Variants in RASA3 observed in about 807,000 individuals in gnomAD.
The protein encoded by RASA3 is RAS p21 protein activator 3.
Under a neutral mutation model 110.0 loss-of-function variants are expected in RASA3, and 73 were observed. The observed-to-expected ratio is 0.66, with a 90% CI of 0.55 to 0.81. RASA3 has a LOEUF of 0.81. Among genes scored for constraint, RASA3 ranks in the 30% least tolerant of loss-of-function variants. The probability of loss-of-function intolerance (pLI) is 0.00; values close to 1 mark genes in which losing one functional copy is unlikely to be tolerated. For missense variants in RASA3, 976 were observed against 1,113.2 expected (o/e 0.88, Z 1.75); for synonymous variants, 500 against 451.4 (o/e 1.11, Z -1.37).
chr13:113,997,065 CA>C (rs2053273112), intron 20 of RASA3, among the ~76,000 whole-genome samples: 1 of 152,210 alleles, frequency 6.6e-6, no homozygotes, highest in Non-Finnish European at 1.5e-5. Context: ...CCATTCAAGA[CA>C]AAAGAGGGGC....
At chr13:114,064,858 CTCTT>C (rs1410978541) in intron 2 of RASA3, among the ~76,000 whole-genome samples, 1 of 152,252 alleles carries the variant, frequency 6.6e-6, no homozygotes, top group Non-Finnish European at 1.5e-5. Context: ...CTCTGGAACT[CTCTT>C]TCCAAATAAA....
At chr13:114,131,973 T>C (rs1276743631) in intron 1 of RASA3, among the ~76,000 whole-genome samples, 1 of 151,736 alleles carries the variant, frequency 6.6e-6, no homozygotes, top group Non-Finnish European at 1.5e-5. Flanking sequence ...AGCCTCCACA[T>C]TCCCCGGAAA....
In RASA3 at chr13:113,996,749, C is replaced by T; in HGVS notation, c.1933-10G>A. On this transcript the variant is annotated splice_polypyrimidine_tract_variant and intron_variant, in intron 20 of 23. Transcript: ENST00000334062. ...GGATGACCTGGAACATCTGAGGACA[C>T]AGGTGGGCTCAGGACAGCGCACATG... The T allele has an allele frequency of 6.2e-7, 1 of 1,612,208 alleles. No homozygotes were observed. Among genetic ancestry groups the T allele is most frequent in the Non-Finnish European group, 8.5e-7 (1 of 1,179,006 alleles).
chr13:114,019,628 CT>C (rs1349055026), intron 9 of RASA3, among the ~76,000 whole-genome samples: 2 of 151,436 alleles, frequency 1.3e-5, no homozygotes, highest in African/African-American at 4.9e-5. Context: ...ATTAGCACCC[CT>C]GTCAGGTAGG....
chr13:114,034,361 AAG>A (rs2054240197), intron 4 of RASA3, among the ~76,000 whole-genome samples: 1 of 152,222 alleles, frequency 6.6e-6, no homozygotes, highest in African/African-American at 2.4e-5. Flanking sequence ...GAGCTTCAGG[AAG>A]AGTCACGACT....
chr13:113,981,670 C>G lies in RASA3; in HGVS notation c.2429+5G>C. 6.2e-7 allele frequency: 1 copy of G among 1,613,530 alleles called. No individual in the cohort carries two copies. Among genetic ancestry groups the G allele is most frequent in the Non-Finnish European group, 8.5e-7 (1 of 1,179,778 alleles). The stretch of plus-strand genomic sequence containing the variant: ...GTCCAGGGCAGGCACGGGAGTGGCA[C>G]TCACTGGCTTCCATATTTCGTCTTC... On this transcript the variant is annotated splice_donor_5th_base_variant and intron_variant, in intron 23 of 23. Transcript: ENST00000334062.
intron 13 of RASA3, among the ~76,000 whole-genome samples, chr13:114,015,863 G>T (rs188138744): frequency 6.6e-6 from 1 of 152,110 alleles, no homozygotes; most frequent in Admixed American, 6.5e-5. Context: ...AGCTGGTCAG[G>T]ATTGTCCAGG....
At chr13:114,074,464 T>C in intron 1 of RASA3, among the ~76,000 whole-genome samples, 1 of 152,248 alleles carries the variant, frequency 6.6e-6, no homozygotes, top group South Asian at 2.1e-4. Context: ...CCTTCTATTT[T>C]AAGGTTGAAT....
chr13:114,051,119 G>A (rs2079138951), intron 3 of RASA3, among the ~76,000 whole-genome samples: 2 of 152,182 alleles, frequency 1.3e-5, no homozygotes, highest in Non-Finnish European at 2.9e-5. Context: ...TGCACCCCCG[G>A]GCCCTCAGGC....
At chr13:114,034,261 G>A (rs1276465692) in intron 4 of RASA3, among the ~76,000 whole-genome samples, 4 of 152,228 alleles carry the variant, frequency 2.6e-5, no homozygotes, top group South Asian at 4.1e-4. Flanking sequence ...CTTCATCCCC[G>A]TTCTCAAATG....
chr13:114,024,968 C>T (rs1374020136), intron 7 of RASA3, among the ~76,000 whole-genome samples: 1 of 152,246 alleles, frequency 6.6e-6, no homozygotes, highest in Non-Finnish European at 1.5e-5. Flanking sequence ...GACCGCCCCC[C>T]GCCAGCCAGC....
At chr13:114,002,237 G>A (rs1315996577) in intron 18 of RASA3, among the ~76,000 whole-genome samples, 1 of 152,254 alleles carries the variant, frequency 6.6e-6, no homozygotes, top group African/African-American at 2.4e-5. Context: ...ATCGGAAAGA[G>A]GGGCTTTGAG....
intron 9 of RASA3, among the ~76,000 whole-genome samples, chr13:114,021,163 T>C (rs971792008): frequency 6.6e-6 from 1 of 152,188 alleles, no homozygotes. Context: ...GTGCCAGCCA[T>C]TGTGAGTCCC....
intron 1 of RASA3, among the ~76,000 whole-genome samples, chr13:114,092,433 C>T (rs371505146): frequency 1.8e-4 from 27 of 152,236 alleles, no homozygotes; most frequent in African/African-American, 5.1e-4. Flanking sequence ...ACTGGTCATT[C>T]GGGAGCATGT....
intron 12 of RASA3, 99 bp from the exon 13 acceptor site, chr13:114,016,370 A>AG (rs1376386028): frequency 1.1e-5 from 10 of 914,680 alleles, no homozygotes; most frequent in Non-Finnish European, 1.8e-5. Context: ...GTAGACCCTG[A>AG]GCCTCATCCA....
At chr13:114,125,092 G>A (rs1055635318) in intron 1 of RASA3, among the ~76,000 whole-genome samples, 3 of 152,100 alleles carry the variant, frequency 2.0e-5, no homozygotes, top group East Asian at 1.9e-4. Flanking sequence ...GGTGTTGGGC[G>A]CTCTCATTTT....
Position 114,011,661 on chromosome 13 carries a change from G to T in RASA3, c.1513-413C>A, listed in dbSNP as rs562409528. On this transcript the variant is annotated intron_variant, in intron 15 of 23. Coordinates refer to ENST00000334062, the MANE Select transcript of RASA3 (RefSeq NM_007368.4). This position sits in a 1 kb window ranked among gnomAD's most constrained non-coding sequence, Gnocchi z 4.8. ...CTGGGGGCCGGGCTTGGTGGCTCAC[G>T]CCTGTAATCCCAGCACTTCGGGAGG... is the stretch of plus-strand genomic sequence containing the variant. Among the ~76,000 whole-genome samples, 4 of 152,018 alleles carry T rather than the reference G, an allele frequency of 2.6e-5. No individual in the cohort carries two copies. The highest frequency in any genetic ancestry group is 4.8e-5 in the African/African-American group (2 of 41,362).
At chr13:114,088,977 T>C (rs1322594814) in intron 1 of RASA3, among the ~76,000 whole-genome samples, 4 of 152,164 alleles carry the variant, frequency 2.6e-5, no homozygotes, top group African/African-American at 7.2e-5. Flanking sequence ...CTCCACCATA[T>C]ATGAAGTTCA....
At chr13:114,104,857 G>A (rs1288488382) in intron 1 of RASA3, among the ~76,000 whole-genome samples, 16 of 134,582 alleles carry the variant, frequency 1.2e-4, no homozygotes, top group Non-Finnish European at 1.7e-4. Context: ...CCACACACAC[G>A]TTCACACCCT....
Sources: allele counts gnomAD v4.1 joint callset (sites outside exome capture counted in the v4.1 genomes callset), GRCh38; gene constraint gnomAD v4.1.1; non-coding constraint Gnocchi (gnomAD v3.1); transcripts MANE v1.5; gene names NCBI Gene and HGNC (gene_info 2026-07-23, HGNC 2026-07-21).